ATP8A2: variants seen among roughly 807,000 people sequenced by gnomAD.
ATP8A2 encodes phospholipid-transporting ATPase IB.
In ATP8A2, 100 loss-of-function variants were observed where a neutral mutation model predicts 165.6. The observed-to-expected ratio is 0.60, with a 90% confidence interval of 0.51 to 0.71. ATP8A2 has a LOEUF of 0.71. Ranked by LOEUF, ATP8A2 falls within the 30% of genes least tolerant of loss-of-function variation. The pLI is 0.00. For synonymous variants in ATP8A2, 543 were observed against 548.8 expected (o/e 0.99, Z 0.15); for missense variants, 1,227 against 1,479.5 (o/e 0.83, Z 2.80).
intron 32 of ATP8A2, among the ~76,000 whole-genome samples, chr13:25,861,871 T>C (rs1276762114): frequency 6.6e-6 from 1 of 152,210 alleles, no homozygotes; most frequent in African/African-American, 2.4e-5. Context: ...TAAAAAACTC[T>C]TGGCTAAAGG....
In ATP8A2 at chr13:25,558,927, C is replaced by A. The variant is rs770920715; in HGVS notation, c.1264-46C>A. 34 of 1,291,316 alleles carry A rather than the reference C, an allele frequency of 2.6e-5. 2 individuals are homozygous for A. The South Asian group carries it at 4.4e-4, about 17-fold the overall frequency. The allele number at this position is 1,291,316 out of a possible 1,614,324, so 80.0% of individuals were successfully genotyped here. On this transcript the variant is annotated intron_variant, in intron 13 of 36. Coordinates refer to ENST00000381655, the MANE Select transcript of ATP8A2 (RefSeq NM_016529.6). The stretch of plus-strand genomic sequence containing the variant: ...GAAAGACTTCATTTGTTGATCTTTG[C>A]ATCTCAATACTTCCTGATGTATATT...
In ATP8A2 at chr13:25,655,626, G is replaced by A. The variant is rs568061313; in HGVS notation, c.2212-43547G>A. Among the ~76,000 whole-genome samples the A allele has an allele frequency of 1.3e-4, 20 of 152,038 alleles. No homozygotes were observed. The East Asian group carries it at 3.9e-3, about 29-fold the overall frequency. ...CTCCAGAGGAGTTGATGGTCGAGCA[G>A]CTATCTGATGCCTCTAACTGGGAAT... On this transcript the variant is annotated intron_variant, in intron 24 of 36. Coordinates refer to ENST00000381655, the MANE Select transcript of ATP8A2 (RefSeq NM_016529.6).
At chr13:25,700,089 A>G (rs2042919792) in intron 25 of ATP8A2, among the ~76,000 whole-genome samples, 1 of 152,206 alleles carries the variant, frequency 6.6e-6, no homozygotes, top group South Asian at 2.1e-4. Context: ...CATGGGGATG[A>G]GGACAAATTC....
At chr13:25,858,302 T>C (rs1952231803) in intron 30 of ATP8A2, among the ~76,000 whole-genome samples, 3 of 152,200 alleles carry the variant, frequency 2.0e-5, no homozygotes, top group Admixed American at 6.5e-5. Flanking sequence ...ACTTGCTCCC[T>C]TCCTTCCCTT....
chr13:25,812,776 ACT>A (rs1950911174), intron 27 of ATP8A2, among the ~76,000 whole-genome samples: 1 of 152,002 alleles, frequency 6.6e-6, no homozygotes, highest in Non-Finnish European at 1.5e-5. Flanking sequence ...AAAATTTTTG[ACT>A]CTTCAAGAAA....
intron 2 of ATP8A2, among the ~76,000 whole-genome samples, chr13:25,496,719 A>G (rs2036689542): frequency 6.6e-6 from 1 of 152,188 alleles, no homozygotes. Flanking sequence ...CAGGATTTTA[A>G]AAAAAGTCCT....
chr13:25,588,752 G>C (rs1302280054), intron 23 of ATP8A2, among the ~76,000 whole-genome samples: 2 of 152,204 alleles, frequency 1.3e-5, no homozygotes, highest in Non-Finnish European at 2.9e-5. Flanking sequence ...GGGCGTTGGT[G>C]GAAAGCACAA....
At chr13:25,742,645 C>G (rs1185521393) in intron 25 of ATP8A2, among the ~76,000 whole-genome samples, 1 of 151,050 alleles carries the variant, frequency 6.6e-6, no homozygotes, top group Non-Finnish European at 1.5e-5. Context: ...CCACACACCC[C>G]ACTCCACTTT....
chr13:25,773,382 C>T (rs1202783271), intron 26 of ATP8A2, among the ~76,000 whole-genome samples: 1 of 152,176 alleles, frequency 6.6e-6, no homozygotes, highest in Non-Finnish European at 1.5e-5. Flanking sequence ...ACTCGTTTCC[C>T]TCCCTCCAGC....
chr13:25,843,635 G>C (rs953351993), intron 30 of ATP8A2, among the ~76,000 whole-genome samples: 2 of 152,212 alleles, frequency 1.3e-5, no homozygotes, highest in African/African-American at 4.8e-5. Flanking sequence ...GACTTCGCAG[G>C]CTCCAGAACT....
chr13:25,438,413 G>A (rs1256930452), intron 1 of ATP8A2, among the ~76,000 whole-genome samples: 1 of 152,164 alleles, frequency 6.6e-6, no homozygotes, highest in Non-Finnish European at 1.5e-5. Flanking sequence ...AGAGGCCAAG[G>A]AGGGAGGATT....
At chr13:25,823,824 T>A (rs930314422) in intron 27 of ATP8A2, among the ~76,000 whole-genome samples, 15 of 152,198 alleles carry the variant, frequency 9.9e-5, no homozygotes, top group African/African-American at 3.6e-4. Context: ...TTCTGTTATA[T>A]CTTTGAACAT....
intron 1 of ATP8A2, among the ~76,000 whole-genome samples, chr13:25,421,263 A>G (rs1039813143): frequency 6.6e-6 from 1 of 152,206 alleles, no homozygotes; most frequent in Non-Finnish European, 1.5e-5. Flanking sequence ...TCCATTCTTT[A>G]CTATGTGTGA....
chr13:25,696,147 A>G (rs2042829485), intron 24 of ATP8A2, among the ~76,000 whole-genome samples: 1 of 152,242 alleles, frequency 6.6e-6, no homozygotes. Context: ...GTTAGTGAGC[A>G]GTAATATTTT....
intron 23 of ATP8A2, among the ~76,000 whole-genome samples, chr13:25,584,764 C>T (rs1383803297): frequency 6.6e-6 from 1 of 152,096 alleles, no homozygotes; most frequent in Non-Finnish European, 1.5e-5. Flanking sequence ...ATTTAGAAGA[C>T]CACGGAGAAT....
intron 2 of ATP8A2, among the ~76,000 whole-genome samples, chr13:25,475,066 C>T (rs755394812): frequency 6.6e-5 from 10 of 152,008 alleles, no homozygotes; most frequent in African/African-American, 2.2e-4. Flanking sequence ...GTGATCCACC[C>T]GCCTTGGCCT....
intron 27 of ATP8A2, among the ~76,000 whole-genome samples, chr13:25,805,417 A>G (rs1247837626): frequency 1.3e-5 from 2 of 152,268 alleles, no homozygotes; most frequent in East Asian, 3.9e-4. Flanking sequence ...TTGGGAAGCT[A>G]AGATCAGAGG....
intron 1 of ATP8A2, among the ~76,000 whole-genome samples, chr13:25,464,326 G>A (rs1377463468): frequency 2.0e-5 from 3 of 151,446 alleles, no homozygotes; most frequent in African/African-American, 7.3e-5. Context: ...AAGATACGTG[G>A]TTATGAGAAG....
chr13:25,495,281 G>C (rs1368977629), intron 2 of ATP8A2, among the ~76,000 whole-genome samples: 2 of 152,170 alleles, frequency 1.3e-5, no homozygotes, highest in African/African-American at 4.8e-5. Context: ...GGCTGAGAAG[G>C]GGTTTGAATG....
Sources: gnomAD v4.1 joint callset for allele counts (sites outside exome capture counted in the v4.1 genomes callset) on GRCh38, gnomAD v4.1.1 for gene constraint, MANE v1.5 for transcripts, NCBI Gene and HGNC (gene_info 2026-07-23, HGNC 2026-07-21) for gene names.